TUBB8B: variants seen among roughly 807,000 people sequenced by gnomAD.
TUBB8B encodes the protein tubulin beta 8B.
Under a neutral mutation model 31.9 loss-of-function variants are expected in TUBB8B, and 26 were observed. That is an observed-to-expected ratio of 0.81 (90% CI 0.60 to 1.13). The LOEUF is 1.13. Ranked by LOEUF, TUBB8B falls within the 50% of genes most tolerant of loss-of-function variation. The pLI, the probability that TUBB8B is intolerant of heterozygous loss-of-function variation, is 0.00. For missense variants in TUBB8B, 467 were observed against 586.7 expected, an observed-to-expected ratio of 0.80 and a Z score of 2.11; for synonymous variants, 173 against 231.0, an observed-to-expected ratio of 0.75 and a Z score of 2.28.
upstream of TUBB8B, among the ~76,000 whole-genome samples, chr18:52,438 G>C (rs1346199434): frequency 6.6e-6 from 1 of 150,838 alleles, no homozygotes; most frequent in Non-Finnish European, 1.5e-5. Flanking sequence ...CTCTAACCCT[G>C]TGGGCTTGGC....
the TUBB8B span, among the ~76,000 whole-genome samples, chr18:63,573 C>G: frequency 3.5e-3 from 526 of 151,744 alleles, 8 homozygotes; most frequent in African/African-American, 0.012. Context: ...ACCCAAGGCC[C>G]ACTGTAACGA....
At chr18:69,402 G>A in the TUBB8B span, among the ~76,000 whole-genome samples, 2 of 152,220 alleles carry the variant, frequency 1.3e-5, no homozygotes, top group African/African-American at 4.8e-5. Context: ...AGGATGCAGT[G>A]AGCCGAGATG....
upstream of TUBB8B, among the ~76,000 whole-genome samples, chr18:51,629 G>A (rs945800608): frequency 2.6e-5 from 4 of 151,306 alleles, no homozygotes; most frequent in South Asian, 2.1e-4. Context: ...TAGTATAGAC[G>A]GAGTTTCACC....
chr18:53,367 T>C (rs923186613), upstream of TUBB8B, among the ~76,000 whole-genome samples: 1 of 151,894 alleles, frequency 6.6e-6, no homozygotes, highest in African/African-American at 2.4e-5. Flanking sequence ...TTTCTCAAGA[T>C]TGGATATAAA....
chr18:53,320 CATA>C (rs1210636707), upstream of TUBB8B, among the ~76,000 whole-genome samples: 1 of 151,694 alleles, frequency 6.6e-6, no homozygotes, highest in Non-Finnish European at 1.5e-5. Context: ...GTATGTTTAC[CATA>C]ATGGCAGAAA....
chr18:58,905 A>G, the TUBB8B span, among the ~76,000 whole-genome samples: 1 of 151,940 alleles, frequency 6.6e-6, no homozygotes, highest in African/African-American at 2.4e-5. Context: ...GGCCTCTGGA[A>G]GTTTACAGTC....
chr18:50,676 T>C (rs2509440), upstream of TUBB8B: 7 of 150,158 alleles, frequency 4.7e-5, no homozygotes, highest in African/African-American at 1.7e-4. Context: ...TCATTCAGCC[T>C]GAGGGGCCCT....
upstream of TUBB8B, among the ~76,000 whole-genome samples, chr18:51,920 A>G (rs1444135767): frequency 3.3e-5 from 5 of 151,634 alleles, no homozygotes; most frequent in Non-Finnish European, 7.4e-5. Flanking sequence ...GAGCAGACTA[A>G]TACAACCTGT....
At chr18:49,454 G>C (rs1325706092) in intron 1 of TUBB8B, 47 bp downstream of exon 1, 2 of 943,896 alleles carry the variant, frequency 2.1e-6, no homozygotes, top group African/African-American at 3.3e-5. Context: ...ATCTTCCCCA[G>C]CCACCCGGCA....
Position 47,429 on chromosome 18 carries a change from C to CT in TUBB8B, c.1295dup (p.Glu433GlyfsTer4), listed in dbSNP as rs1274269408. 7.6e-7 allele frequency: 1 copy of CT among 1,311,604 alleles called. No individual in the cohort carries two copies. Among genetic ancestry groups the CT allele is most frequent in the East Asian group, 2.3e-5 (1 of 43,072 alleles). 81.2% of individuals were successfully genotyped at this position (1,311,604 alleles called of 1,614,324 possible). On this transcript the variant is annotated frameshift_variant, in exon 4 of 4. Coordinates refer to ENST00000308911, the MANE Select transcript of TUBB8B (RefSeq NM_001358689.2). LOFTEE classifies it high-confidence loss of function. ...CCTCGGCATACTCCTCATCCTCCTC[C>CT]TCCTCGGCCGTGGCATCCTGATATT... is the stretch of plus-strand genomic sequence containing the variant.
At chr18:58,337 C>G in the TUBB8B span, among the ~76,000 whole-genome samples, 1 of 151,192 alleles carries the variant, frequency 6.6e-6, no homozygotes, top group Non-Finnish European at 1.5e-5. Flanking sequence ...TTTTTTTGCT[C>G]CAACATGTGA....
chr18:68,594 C>G, the TUBB8B span, among the ~76,000 whole-genome samples: 1 of 152,184 alleles, frequency 6.6e-6, no homozygotes, highest in Non-Finnish European at 1.5e-5. Flanking sequence ...TGCTTGCTCT[C>G]CTCAGTGCAA....
chr18:67,113 A>T, the TUBB8B span, among the ~76,000 whole-genome samples: 1 of 150,792 alleles, frequency 6.6e-6, no homozygotes, highest in Non-Finnish European at 1.5e-5. Context: ...CTCCTGCCTC[A>T]GCCTCCCAAG....
chr18:68,008 C>G, the TUBB8B span, among the ~76,000 whole-genome samples: 2 of 152,182 alleles, frequency 1.3e-5, no homozygotes, highest in African/African-American at 4.8e-5. Flanking sequence ...GTGACACCCT[C>G]AATACTGATA....
At chr18:58,374 C>T in the TUBB8B span, among the ~76,000 whole-genome samples, 1 of 151,590 alleles carries the variant, frequency 6.6e-6, no homozygotes, top group African/African-American at 2.4e-5. Flanking sequence ...GCAGCCAGGC[C>T]ACATCTTCAA....
At chr18:67,840 G>T in the TUBB8B span, among the ~76,000 whole-genome samples, 2 of 151,984 alleles carry the variant, frequency 1.3e-5, no homozygotes, top group Non-Finnish European at 2.9e-5. Flanking sequence ...AGACTCATAT[G>T]ACACCCATAA....
rs200945951 is a variant in TUBB8B at position 49,169 on chromosome 18, C to A, written c.126G>T (p.Leu42=). ...GGTGCACGTTGATGCGCTCCAGCTG[C>A]AGGTGGCTGTCCCCGTGGTAGGTGC... is the stretch of plus-strand genomic sequence containing the variant. The part of the protein sequence containing the change: ...SAGTYHGDSH[L]QLERINVHHH... The change falls in exon 2 of 4, where the codon CTG becomes CTT. Residue 42 remains leucine, a synonymous_variant. Coordinates refer to ENST00000308911, the MANE Select transcript of TUBB8B (RefSeq NM_001358689.2). 2.8e-5 allele frequency: 35 copies of A among 1,245,076 alleles called. No individual in the cohort carries two copies. The highest frequency in any genetic ancestry group is 3.7e-5 in the Non-Finnish European group (35 of 957,830). The allele number at this position is 1,245,076 out of a possible 1,614,324, so 77.1% of individuals were successfully genotyped here. A position where few individuals can be genotyped will look rare whatever the true frequency, so the allele number is the denominator to read the frequency against.
upstream of TUBB8B, among the ~76,000 whole-genome samples, chr18:52,521 G>A (rs557892955): frequency 6.6e-6 from 1 of 151,608 alleles, no homozygotes; most frequent in Non-Finnish European, 1.5e-5. Flanking sequence ...TATACCCTAG[G>A]GCCTCTCACT....
chr18:48,453 A>C lies in TUBB8B; in HGVS notation c.278-6T>G, dbSNP rs777303960. 3.3e-6 allele frequency: 5 copies of C among 1,529,748 alleles called. No individual in the cohort carries two copies. The highest frequency in any genetic ancestry group is 4.5e-6 in the Non-Finnish European group (5 of 1,106,224). The allele number at this position is 1,529,748 out of a possible 1,614,324, so 94.8% of individuals were successfully genotyped here. A position where few individuals can be genotyped will look rare whatever the true frequency, so the allele number is the denominator to read the frequency against. ...GTTTCCGGCCCCACACTGACCTGTA[A>C]GACAGCACAGCCGGTCACTCGACGG... On this transcript the variant is annotated splice_polypyrimidine_tract_variant and splice_region_variant and intron_variant, in intron 3 of 3. Coordinates refer to ENST00000308911, the MANE Select transcript of TUBB8B (RefSeq NM_001358689.2).
Sources: gnomAD v4.1 joint callset for allele counts (sites outside exome capture counted in the v4.1 genomes callset) on GRCh38, gnomAD v4.1.1 for gene constraint, MANE v1.5 for transcripts, NCBI Gene and HGNC (gene_info 2026-07-23, HGNC 2026-07-21) for gene names.